LTBP1: variants seen among roughly 807,000 people sequenced by gnomAD.
LTBP1 encodes the protein latent transforming growth factor beta binding protein 1, also known as latent-transforming growth factor beta-binding protein 1.
Under a neutral mutation model 207.6 loss-of-function variants are expected in LTBP1, and 129 were observed. That is an observed-to-expected ratio of 0.62 (90% CI 0.54 to 0.72). LTBP1 has a LOEUF of 0.72. LTBP1 is among the 30% of genes least tolerant of loss of function. The pLI is 0.00. For missense variants in LTBP1, 2,281 were observed against 2,217.2 expected, an observed-to-expected ratio of 1.03 and a Z score of -0.58; for synonymous variants, 963 against 833.7, an observed-to-expected ratio of 1.16 and a Z score of -2.67.
chr2:32,950,826 A>G (rs981385403), intron 2 of LTBP1, among the ~76,000 whole-genome samples: 3 of 152,218 alleles, frequency 2.0e-5, no homozygotes, highest in African/African-American at 7.2e-5. Context: ...AAATGATGCA[A>G]TTGAGTGCTG....
chr2:33,373,430 A>G (rs1218796912), intron 31 of LTBP1, among the ~76,000 whole-genome samples: 2 of 152,210 alleles, frequency 1.3e-5, no homozygotes, highest in Non-Finnish European at 2.9e-5. Flanking sequence ...TTTAATGCCT[A>G]TTGAATAAAA....
At position 33,287,096 on chromosome 2, in the gene LTBP1, AAACAAC is replaced by A. The variant is rs60436290; in HGVS notation, c.3113-6042_3113-6037del. Among the ~76,000 whole-genome samples, 211 of 151,504 alleles carry A rather than the reference AAACAAC, an allele frequency of 1.4e-3. 1 individual carries two copies. The highest frequency in any genetic ancestry group is 6.9e-3 in the Middle Eastern group (2 of 290). The stretch of plus-strand genomic sequence containing the variant: ...TAAAAGTATAATAAAAATAAAATAA[AAACAAC>A]AACAACAACAACAACAACAACTTTT... On this transcript the variant is annotated intron_variant, in intron 19 of 33. Coordinates refer to ENST00000404816, the MANE Select transcript of LTBP1 (RefSeq NM_206943.4).
chr2:33,314,861 G>GC lies in LTBP1; in HGVS notation c.3605-279dup, dbSNP rs566642578. ...CTCAGAGTTGTGGAGTATTCCTCAA[G>GC]CCCCATATGTCTAAAATAAGGGTAG... On this transcript the variant is annotated intron_variant, in intron 23 of 33. Transcript: ENST00000404816. 1.4e-4 allele frequency among the ~76,000 whole-genome samples: 21 copies of GC among 152,272 alleles called. No homozygotes were observed. In the South Asian group the frequency reaches 3.7e-3, roughly 27 times the overall value.
At chr2:32,993,969 A>AGTGTGTGTGT (rs70938383) in intron 2 of LTBP1, among the ~76,000 whole-genome samples, 16,224 of 138,230 alleles carry the variant, frequency 0.12, 1,033 homozygotes, top group Non-Finnish European at 0.15. Context: ...CAGTTAGGGG[A>AGTGTGTGTGT]GTGTGTGTGT....
At chr2:33,244,704 G>C (rs1446446393) in intron 10 of LTBP1, among the ~76,000 whole-genome samples, 11 of 151,514 alleles carry the variant, frequency 7.3e-5, no homozygotes, top group African/African-American at 2.2e-4. Flanking sequence ...AATGATCACT[G>C]TTCAGCCTGC....
chr2:33,127,030 T>C (rs2081474506), intron 4 of LTBP1, among the ~76,000 whole-genome samples: 1 of 152,254 alleles, frequency 6.6e-6, no homozygotes, highest in Admixed American at 6.5e-5. Context: ...TTGACTTCCT[T>C]GGTGCTTCTT....
At chr2:33,335,212 C>T (rs937909514) in intron 24 of LTBP1, among the ~76,000 whole-genome samples, 1 of 149,662 alleles carries the variant, frequency 6.7e-6, no homozygotes, top group South Asian at 2.1e-4. Context: ...GGCCAGCCTT[C>T]TTTTCTAGAA....
chr2:33,234,906 G>A (rs2091967567), intron 9 of LTBP1, among the ~76,000 whole-genome samples: 1 of 151,982 alleles, frequency 6.6e-6, no homozygotes. Context: ...AACTCAAGAT[G>A]GATGAAAGAC....
intron 9 of LTBP1, among the ~76,000 whole-genome samples, chr2:33,232,255 A>T (rs1055997730): frequency 1.3e-5 from 2 of 152,208 alleles, no homozygotes; most frequent in Non-Finnish European, 1.5e-5. Context: ...ACTTAAGAGG[A>T]TATTAGCTAA....
At chr2:33,072,448 C>T (rs774427880) in intron 3 of LTBP1, among the ~76,000 whole-genome samples, 22 of 152,304 alleles carry the variant, frequency 1.4e-4, no homozygotes, top group Admixed American at 2.0e-4. Context: ...ATTCCTTCCT[C>T]CAGGGTCTGG....
chr2:33,019,509 A>AT (rs199681429), intron 2 of LTBP1, among the ~76,000 whole-genome samples: 5,969 of 151,112 alleles, frequency 0.04, 202 homozygotes, highest in Non-Finnish European at 0.067. Flanking sequence ...TAGTTTTTGT[A>AT]TTTTTAGTAG....
intron 3 of LTBP1, among the ~76,000 whole-genome samples, chr2:33,024,127 A>G (rs2075303838): frequency 6.6e-6 from 1 of 152,246 alleles, no homozygotes; most frequent in Non-Finnish European, 1.5e-5. Context: ...GGCACAGTTC[A>G]GGGAGCTAAG....
At chr2:33,211,143 T>C (rs2090279388) in intron 7 of LTBP1, among the ~76,000 whole-genome samples, 1 of 152,240 alleles carries the variant, frequency 6.6e-6, no homozygotes, top group African/African-American at 2.4e-5. Flanking sequence ...TATCATTTTT[T>C]AGTGTTTTAA....
At chr2:33,381,744 C>A (rs547664158) in intron 31 of LTBP1, among the ~76,000 whole-genome samples, 6 of 152,118 alleles carry the variant, frequency 3.9e-5, no homozygotes, top group Non-Finnish European at 8.8e-5. Flanking sequence ...TGCTTAAGGT[C>A]TAGGGAGTGT....
intron 3 of LTBP1, among the ~76,000 whole-genome samples, chr2:33,107,958 G>C (rs1045666687): frequency 1.3e-5 from 2 of 152,262 alleles, no homozygotes; most frequent in East Asian, 3.9e-4. Flanking sequence ...TAAATGGAGA[G>C]AGACTTTTTC....
chr2:33,394,923 G>C (rs1438726970), intron 32 of LTBP1, among the ~76,000 whole-genome samples: 1 of 152,124 alleles, frequency 6.6e-6, no homozygotes, highest in Non-Finnish European at 1.5e-5. Context: ...TGTGGTATTT[G>C]GTATTCTGTT....
chr2:33,368,591 A>T (rs2095029482), intron 31 of LTBP1, among the ~76,000 whole-genome samples: 1 of 152,222 alleles, frequency 6.6e-6, no homozygotes, highest in Non-Finnish European at 1.5e-5. Context: ...TTATGATATT[A>T]TTCTGGCTGG....
chr2:33,268,222 G>A (rs1437449965), intron 15 of LTBP1, among the ~76,000 whole-genome samples: 2 of 152,196 alleles, frequency 1.3e-5, no homozygotes, highest in Non-Finnish European at 2.9e-5. Context: ...GTTCCCATCG[G>A]TTTCATATGG....
Position 33,134,509 on chromosome 2 carries a change from A to G in LTBP1, c.1034-284A>G. On this transcript the variant is annotated intron_variant, in intron 4 of 33. Coordinates refer to ENST00000404816, the MANE Select transcript of LTBP1 (RefSeq NM_206943.4). The surrounding 1 kb of genome is among the most constrained non-coding windows in gnomAD (Gnocchi z 4.4). The stretch of plus-strand genomic sequence containing the variant: ...GTGAATAAAGTGCAGCATTGTGGTT[A>G]GTAATCCCACTCCAGTGACTCGACT... 1 of 1,406,274 alleles carries G rather than the reference A, an allele frequency of 7.1e-7. No homozygotes were observed. 87.1% of individuals were successfully genotyped at this position (1,406,274 alleles called of 1,614,324 possible). A position where few individuals can be genotyped will look rare whatever the true frequency, so the allele number is the denominator to read the frequency against.
Sources: allele counts gnomAD v4.1 joint callset (sites outside exome capture counted in the v4.1 genomes callset), GRCh38; gene constraint gnomAD v4.1.1; non-coding constraint Gnocchi (gnomAD v3.1); transcripts MANE v1.5; gene names NCBI Gene and HGNC (gene_info 2026-07-23, HGNC 2026-07-21).